The following GALNT13 variants were observed in gnomAD, a reference collection of about 807,000 sequenced individuals.
The protein encoded by GALNT13 is UDP-GalNAc:polypeptide N-acetylgalactosaminyltransferase 13.
In GALNT13, 28 loss-of-function variants were observed where a neutral mutation model predicts 64.2. That is an observed-to-expected ratio of 0.44 (90% CI 0.32 to 0.60). The LOEUF is 0.60. Ranked by LOEUF, GALNT13 falls within the 20% of genes least tolerant of loss-of-function variation. GALNT13 has a pLI of 0.05. For missense variants in GALNT13, 577 were observed against 669.8 expected, an observed-to-expected ratio of 0.86 and a Z score of 1.53; for synonymous variants, 214 against 224.6, an observed-to-expected ratio of 0.95 and a Z score of 0.42.
the GALNT13 span, among the ~76,000 whole-genome samples, chr2:153,267,190 C>A: frequency 2.6e-5 from 4 of 152,206 alleles, no homozygotes; most frequent in African/African-American, 7.2e-5. Context: ...GAGCTTTGCA[C>A]CTGTGGCTCT....
At chr2:153,901,895 C>A (rs1688259506) in intron 2 of GALNT13, among the ~76,000 whole-genome samples, 1 of 152,156 alleles carries the variant, frequency 6.6e-6, no homozygotes, top group South Asian at 2.1e-4. Flanking sequence ...TGGCTGACCA[C>A]AGCCTTTTCT....
chr2:154,385,829 C>T (rs903838277), intron 9 of GALNT13, among the ~76,000 whole-genome samples: 2 of 151,862 alleles, frequency 1.3e-5, no homozygotes, highest in Non-Finnish European at 2.9e-5. Context: ...ATGGGAAGAA[C>T]ATAGAGGGAT....
At chr2:153,437,781 A>G in the GALNT13 span, among the ~76,000 whole-genome samples, 6 of 152,044 alleles carry the variant, frequency 3.9e-5, no homozygotes, top group African/African-American at 1.2e-4. Flanking sequence ...TCTTTATCCA[A>G]TTTACCAGTC....
At chr2:154,003,818 CT>C (rs1384326964) in intron 3 of GALNT13, among the ~76,000 whole-genome samples, 6 of 152,104 alleles carry the variant, frequency 3.9e-5, no homozygotes, top group Non-Finnish European at 4.4e-5. Context: ...CACCTTCCCC[CT>C]CCTCTTCCTC....
At chr2:154,440,663 T>G (rs1701243592) in intron 12 of GALNT13, among the ~76,000 whole-genome samples, 1 of 152,164 alleles carries the variant, frequency 6.6e-6, no homozygotes, top group Admixed American at 6.6e-5. Context: ...AATTTGATCA[T>G]CTGAATTATA....
the GALNT13 span, among the ~76,000 whole-genome samples, chr2:153,122,703 A>G: frequency 6.6e-6 from 1 of 152,186 alleles, no homozygotes; most frequent in African/African-American, 2.4e-5. Context: ...TCCAACCAGC[A>G]GATACCTTAT....
Position 154,218,983 on chromosome 2 carries a change from G to A in GALNT13, c.312-23047G>A, listed in dbSNP as rs539869906. ...TGCTCTCTTTTGACTCTCCCATATC[G>A]GTTCCTCATTGGGTATCTCTTATCT... On this transcript the variant is annotated intron_variant, in intron 4 of 12. Transcript: ENST00000392825. 9.2e-5 allele frequency among the ~76,000 whole-genome samples: 14 copies of A among 151,678 alleles called. No homozygotes were observed. In the South Asian group the frequency reaches 2.1e-3, roughly 23 times the overall value.
chr2:153,329,123 A>G, the GALNT13 span, among the ~76,000 whole-genome samples: 1 of 151,742 alleles, frequency 6.6e-6, no homozygotes, highest in African/African-American at 2.4e-5. Context: ...CTTGCCTTCC[A>G]TGGGCTGCAC....
chr2:153,131,041 C>A, the GALNT13 span, among the ~76,000 whole-genome samples: 4 of 152,126 alleles, frequency 2.6e-5, no homozygotes, highest in African/African-American at 9.7e-5. Flanking sequence ...ACTGGGAGAT[C>A]CTGACCAGAT....
the GALNT13 span, chr2:153,159,518 G>GCTGCATCGAGTA: frequency 2.6e-4 from 40 of 152,606 alleles, no homozygotes; most frequent in African/African-American, 9.1e-4. Context: ...ATATAAGGAG[G>GCTGCATCGAGTA]TAAAGAATCA....
the GALNT13 span, among the ~76,000 whole-genome samples, chr2:153,140,029 A>G: frequency 5.5e-4 from 83 of 152,090 alleles, no homozygotes; most frequent in African/African-American, 1.9e-3. Flanking sequence ...CTTAAAAGCA[A>G]TAGGGTGGAA....
intron 3 of GALNT13, among the ~76,000 whole-genome samples, chr2:154,118,793 A>G (rs1296211652): frequency 1.3e-5 from 2 of 152,034 alleles, no homozygotes; most frequent in Non-Finnish European, 2.9e-5. Context: ...ATTCTATTTC[A>G]GTCTGATAAG....
the GALNT13 span, among the ~76,000 whole-genome samples, chr2:153,442,493 A>T: frequency 1.3e-5 from 2 of 152,040 alleles, no homozygotes; most frequent in Non-Finnish European, 2.9e-5. Context: ...CTCTTTTTCT[A>T]TTGTTTAGAA....
chr2:154,290,570 A>G (rs1219848339), intron 8 of GALNT13, among the ~76,000 whole-genome samples: 1 of 152,230 alleles, frequency 6.6e-6, no homozygotes, highest in Non-Finnish European at 1.5e-5. Flanking sequence ...TTAAAAGGCC[A>G]GAACCACAGG....
the GALNT13 span, among the ~76,000 whole-genome samples, chr2:153,287,093 G>A: frequency 6.6e-6 from 1 of 152,142 alleles, no homozygotes; most frequent in Admixed American, 6.5e-5. Context: ...ATTAATGAAG[G>A]CCAATAAAAT....
intron 2 of GALNT13, among the ~76,000 whole-genome samples, chr2:153,905,358 T>A (rs1035951242): frequency 6.6e-6 from 1 of 151,966 alleles, no homozygotes; most frequent in Admixed American, 6.6e-5. Context: ...GTACTAAACC[T>A]TATATATAGA....
intron 9 of GALNT13, among the ~76,000 whole-genome samples, chr2:154,367,819 TAAAG>T (rs1697456462): frequency 6.6e-6 from 1 of 152,188 alleles, no homozygotes; most frequent in African/African-American, 2.4e-5. Flanking sequence ...CAGGCATAGA[TAAAG>T]AATTCTCTGA....
the GALNT13 span, among the ~76,000 whole-genome samples, chr2:153,076,067 G>C: frequency 0.016 from 2,488 of 152,206 alleles, 73 homozygotes; most frequent in African/African-American, 0.057. Flanking sequence ...TAATGCCATT[G>C]ATAGCTTTGT....
the GALNT13 span, among the ~76,000 whole-genome samples, chr2:153,780,738 A>C: frequency 3.9e-5 from 6 of 152,060 alleles, no homozygotes; most frequent in Non-Finnish European, 8.8e-5. Flanking sequence ...ATATGCCCAA[A>C]ATAATAGCCT....
Sources: gnomAD v4.1 joint callset for allele counts (sites outside exome capture counted in the v4.1 genomes callset) on GRCh38, gnomAD v4.1.1 for gene constraint, MANE v1.5 for transcripts, NCBI Gene and HGNC (gene_info 2026-07-23, HGNC 2026-07-21) for gene names.